JADE1: variants seen among roughly 807,000 people sequenced by gnomAD.
The protein encoded by JADE1 is protein Jade-1.
In JADE1, 14 loss-of-function variants were observed where a neutral mutation model predicts 81.8. The ratio of observed to expected loss-of-function variants is 0.17; its 90% CI spans 0.11 to 0.27. JADE1 has a LOEUF of 0.27. Ranked by LOEUF, JADE1 falls within the 10% of genes least tolerant of loss-of-function variation. The probability of loss-of-function intolerance (pLI) is 1.00; values close to 1 mark genes in which losing one functional copy is unlikely to be tolerated. For missense variants in JADE1, 690 were observed against 1,047.9 expected (o/e 0.66, Z 4.71); for synonymous variants, 353 against 391.9 (o/e 0.90, Z 1.17).
rs1447877722 is a variant in JADE1, at chr4:128,846,570, C to T, written c.296+38C>T. ...TGAGGACAGAAGCCTCTCCACCCAC[C>T]CTTGCTCTTCTTCCCTGACAGCAGG... On this transcript the variant is annotated intron_variant, in intron 4 of 10. Transcript: ENST00000226319. This position sits in a 1 kb window ranked among gnomAD's most constrained non-coding sequence, Gnocchi z 4.0. 6.2e-7 allele frequency: 1 copy of T among 1,606,216 alleles called. No individual in the cohort carries two copies. Among genetic ancestry groups the T allele is most frequent in the East Asian group, 2.2e-5 (1 of 44,784 alleles).
intron 1 of JADE1, among the ~76,000 whole-genome samples, chr4:128,825,363 T>C (rs1239096894): frequency 1.3e-5 from 2 of 152,204 alleles, no homozygotes; most frequent in Non-Finnish European, 2.9e-5. Context: ...GTAAAAGTCC[T>C]TCTCTCCTTG....
At chr4:128,831,535 C>T (rs186835921) in intron 1 of JADE1, 198 bp from the exon 2 acceptor site, 2 of 535,142 alleles carry the variant, frequency 3.7e-6, no homozygotes, top group East Asian at 6.4e-5. Context: ...TCCACCCCTC[C>T]CCCTCCTTTT....
chr4:128,822,729 A>T (rs981697185), intron 1 of JADE1, among the ~76,000 whole-genome samples: 3 of 152,200 alleles, frequency 2.0e-5, no homozygotes, highest in Non-Finnish European at 2.9e-5. Flanking sequence ...CAAGAAAAAA[A>T]AAAAAGTTAA....
At chr4:128,870,599 T>A (rs1732116516) in intron 10 of JADE1, among the ~76,000 whole-genome samples, 1 of 152,130 alleles carries the variant, frequency 6.6e-6, no homozygotes, top group Non-Finnish European at 1.5e-5. Flanking sequence ...AATGTCAGAG[T>A]ACATTATCAA....
At chr4:128,842,425 G>A (rs1047301430) in intron 2 of JADE1, among the ~76,000 whole-genome samples, 4 of 151,580 alleles carry the variant, frequency 2.6e-5, no homozygotes, top group Admixed American at 1.3e-4. Context: ...TCGGCTTTCC[G>A]AGTAGGTGGG....
At chr4:128,861,255 C>T (rs1301307053) in intron 8 of JADE1, among the ~76,000 whole-genome samples, 2 of 152,212 alleles carry the variant, frequency 1.3e-5, no homozygotes, top group Non-Finnish European at 2.9e-5. Flanking sequence ...CCTCCTTTCT[C>T]TACACATGTC....
intron 8 of JADE1, among the ~76,000 whole-genome samples, chr4:128,858,603 ATT>A (rs201166332): frequency 1.2e-3 from 159 of 137,240 alleles, no homozygotes; most frequent in Admixed American, 1.4e-3. Flanking sequence ...TGGTTTTAAA[ATT>A]TTTTTTTTTT....
intron 2 of JADE1, among the ~76,000 whole-genome samples, chr4:128,839,648 A>G (rs1245129816): frequency 6.6e-6 from 1 of 151,996 alleles, no homozygotes; most frequent in Non-Finnish European, 1.5e-5. Context: ...GAATAATACA[A>G]TATGGACTCT....
At chr4:128,826,850 T>C (rs1202676436) in intron 1 of JADE1, among the ~76,000 whole-genome samples, 2 of 152,216 alleles carry the variant, frequency 1.3e-5, no homozygotes, top group Non-Finnish European at 2.9e-5. Flanking sequence ...ACCAAAACTT[T>C]AGTCACGCTC....
At chr4:128,821,980 A>G (rs1003130753) in intron 1 of JADE1, among the ~76,000 whole-genome samples, 5 of 152,226 alleles carry the variant, frequency 3.3e-5, no homozygotes, top group African/African-American at 1.2e-4. Flanking sequence ...CAAATAGGGG[A>G]TAATAGCATT....
intron 1 of JADE1, among the ~76,000 whole-genome samples, chr4:128,829,128 C>T (rs1458036613): frequency 2.6e-5 from 4 of 152,128 alleles, no homozygotes; most frequent in African/African-American, 7.2e-5. Context: ...GTTTTTGGCA[C>T]ACACAGGGCA....
At chr4:128,833,179 C>G (rs993806694) in intron 2 of JADE1, among the ~76,000 whole-genome samples, 1 of 152,028 alleles carries the variant, frequency 6.6e-6, no homozygotes, top group African/African-American at 2.4e-5. Flanking sequence ...GCCACCTGTC[C>G]GAGCCTTTGG....
At chr4:128,832,805 G>A (rs1344988898) in intron 2 of JADE1, among the ~76,000 whole-genome samples, 1 of 152,234 alleles carries the variant, frequency 6.6e-6, no homozygotes, top group East Asian at 1.9e-4. Flanking sequence ...TAAGTTTTCA[G>A]CAAGTTAAAA....
rs530427986 is a variant in JADE1, at chr4:128,809,925, TGTGTCCGCGC to T, written c.-27+58_-27+67del. 32 of 148,070 alleles carry T rather than the reference TGTGTCCGCGC, an allele frequency of 2.2e-4. 1 individual carries two copies. The East Asian group carries it at 4.5e-3, about 21-fold the overall frequency. 9.2% of individuals were successfully genotyped at this position (148,070 alleles called of 1,614,324 possible). On this transcript the variant is annotated intron_variant, in intron 1 of 10. Coordinates refer to ENST00000226319, the MANE Select transcript of JADE1 (RefSeq NM_199320.4). ...GCGCGCGGGGTGGGCGCGCCGCGCG[TGTGTCCGCGC>T]GTGTCCGCGTGTGGGTCCGTGTGCG...
intron 10 of JADE1, among the ~76,000 whole-genome samples, chr4:128,870,727 G>A (rs1465113544): frequency 6.6e-6 from 1 of 152,222 alleles, no homozygotes; most frequent in Non-Finnish European, 1.5e-5. Context: ...CTTACTTCAA[G>A]TTGAATGACA....
intron 9 of JADE1, chr4:128,862,901 T>C: frequency 1.0e-6 from 1 of 986,926 alleles, no homozygotes; most frequent in Non-Finnish European, 1.2e-6. Flanking sequence ...AGGCTGTGTG[T>C]GTGTGTGTGT....
intron 7 of JADE1, 64 bp from the exon 8 acceptor site, chr4:128,857,274 C>T: frequency 8.2e-7 from 1 of 1,213,432 alleles, no homozygotes; most frequent in South Asian, 1.2e-5. Context: ...CTTTTAGTTT[C>T]TGACATTCAT....
At chr4:128,870,504 G>A (rs10015538) in intron 10 of JADE1, among the ~76,000 whole-genome samples, 1 of 152,148 alleles carries the variant, frequency 6.6e-6, no homozygotes, top group African/African-American at 2.4e-5. Flanking sequence ...GAATTCACCT[G>A]CTAGGGGTAA....
At position 128,863,513 on chromosome 4, in the gene JADE1, C is replaced by T. The variant is rs190049027; in HGVS notation, c.1503+1288C>T. 47 of 985,392 alleles carry T rather than the reference C, an allele frequency of 4.8e-5. No individual in the cohort carries two copies. The African/African-American group carries it at 7.7e-4, about 16-fold the overall frequency. The allele number at this position is 985,392 out of a possible 1,614,324, so 61.0% of individuals were successfully genotyped here. On this transcript the variant is annotated intron_variant, in intron 9 of 10. Coordinates refer to ENST00000226319, the MANE Select transcript of JADE1 (RefSeq NM_199320.4). ...GTAGAAGTGAAAGTCTTAAAGGGAG[C>T]ATTAGAGATCCTTTTAATACACGAC... is the stretch of plus-strand genomic sequence containing the variant.
Sources: gnomAD v4.1 joint callset for allele counts (sites outside exome capture counted in the v4.1 genomes callset) on GRCh38, gnomAD v4.1.1 for gene constraint, Gnocchi (gnomAD v3.1) non-coding constraint, MANE v1.5 for transcripts, NCBI Gene and HGNC (gene_info 2026-07-23, HGNC 2026-07-21) for gene names.